Variants in DNAJC3 observed in about 807,000 individuals in gnomAD.
The protein encoded by DNAJC3 is dnaJ homolog subfamily C member 3.
A neutral mutation model predicts 68.6 loss-of-function variants in DNAJC3; 38 were observed. The observed-to-expected ratio is 0.55, with a 90% CI of 0.43 to 0.73. The LOEUF (loss-of-function observed/expected upper bound fraction) is 0.73, where lower values mean the gene tolerates loss of function less well. Among genes scored for constraint, DNAJC3 ranks in the 30% least tolerant of loss-of-function variants. The pLI is 0.00. For missense variants in DNAJC3, 526 were observed against 591.9 expected, an observed-to-expected ratio of 0.89 and a Z score of 1.16; for synonymous variants, 203 against 204.0, an observed-to-expected ratio of 1.00 and a Z score of 0.04.
At chr13:95,778,529 A>G (rs1883349060) in intron 9 of DNAJC3, among the ~76,000 whole-genome samples, 2 of 152,258 alleles carry the variant, frequency 1.3e-5, no homozygotes, top group South Asian at 2.1e-4. Context: ...AGGTTTTCTA[A>G]TATCTACCAT....
chr13:95,747,101 A>G (rs1882327346), intron 4 of DNAJC3, among the ~76,000 whole-genome samples: 1 of 152,236 alleles, frequency 6.6e-6, no homozygotes, highest in African/African-American at 2.4e-5. Context: ...ATTTCATATA[A>G]CTTAGATCAT....
chr13:95,760,010 T>C (rs778950437), intron 5 of DNAJC3, 30 bp from the exon 6 acceptor site: 1 of 1,532,172 alleles, frequency 6.5e-7, no homozygotes, highest in Admixed American at 2.1e-5. Context: ...ATTTATTCTT[T>C]CTTAAAGTCT....
At chr13:95,712,752 G>T (rs934140741) in intron 2 of DNAJC3, among the ~76,000 whole-genome samples, 7 of 151,900 alleles carry the variant, frequency 4.6e-5, no homozygotes, top group African/African-American at 1.7e-4. Context: ...TTTTTGTGTT[G>T]GTGTTGATTC....
intron 4 of DNAJC3, among the ~76,000 whole-genome samples, chr13:95,734,607 G>C (rs1379498969): frequency 2.0e-5 from 3 of 152,040 alleles, no homozygotes; most frequent in Non-Finnish European, 4.4e-5. Context: ...TGTTAAGTAA[G>C]TTTTTTATCA....
chr13:95,711,233 C>G (rs1282567822), intron 2 of DNAJC3, among the ~76,000 whole-genome samples: 3 of 152,028 alleles, frequency 2.0e-5, no homozygotes, highest in African/African-American at 7.2e-5. Context: ...GCATGGTGGC[C>G]CACGCCTGTA....
chr13:95,770,824 T>C (rs1300227745), intron 9 of DNAJC3, among the ~76,000 whole-genome samples: 3 of 152,214 alleles, frequency 2.0e-5, no homozygotes, highest in Non-Finnish European at 4.4e-5. Context: ...TAAGTGTTCT[T>C]AGATATAAGA....
At chr13:95,738,572 A>G (rs1882012576) in intron 4 of DNAJC3, among the ~76,000 whole-genome samples, 1 of 152,066 alleles carries the variant, frequency 6.6e-6, no homozygotes, top group African/African-American at 2.4e-5. Context: ...CTTTACCATT[A>G]TGTCATGGCC....
chr13:95,716,399 T>C (rs987014421), intron 2 of DNAJC3, among the ~76,000 whole-genome samples: 1 of 152,258 alleles, frequency 6.6e-6, no homozygotes, highest in South Asian at 2.1e-4. Context: ...AGTGGGTGTG[T>C]GTTACAGTGT....
intron 4 of DNAJC3, among the ~76,000 whole-genome samples, chr13:95,729,386 C>G (rs1881640930): frequency 6.7e-6 from 1 of 148,570 alleles, no homozygotes; most frequent in South Asian, 2.2e-4. Flanking sequence ...TTCTCCCTCT[C>G]CCTCTCCCTC....
intron 11 of DNAJC3, among the ~76,000 whole-genome samples, chr13:95,788,185 T>C (rs972221966): frequency 6.6e-6 from 1 of 152,238 alleles, no homozygotes; most frequent in African/African-American, 2.4e-5. Flanking sequence ...GAGACAGAAA[T>C]GTACTTCCCT....
chr13:95,789,314 T>C (rs941462978), intron 11 of DNAJC3, among the ~76,000 whole-genome samples: 2 of 152,248 alleles, frequency 1.3e-5, no homozygotes, highest in East Asian at 1.9e-4. Flanking sequence ...CTCCCACCCT[T>C]CACCCTCCAA....
chr13:95,715,733 C>A (rs1281228206), intron 2 of DNAJC3, among the ~76,000 whole-genome samples: 4 of 151,860 alleles, frequency 2.6e-5, no homozygotes, highest in Non-Finnish European at 2.9e-5. Flanking sequence ...TGATCCACCC[C>A]CCCTTGGCCT....
At chr13:95,725,096 T>C in intron 3 of DNAJC3, 82 bp from the exon 4 acceptor site, 1 of 863,692 alleles carries the variant, frequency 1.2e-6, no homozygotes, top group Non-Finnish European at 1.7e-6. Context: ...ATAATTTGTT[T>C]ATTTAGTTTT....
chr13:95,785,935 A>G lies in DNAJC3; in HGVS notation c.1076-4A>G. 1 of 1,577,840 alleles carries G rather than the reference A, an allele frequency of 6.3e-7. No homozygotes were observed. The highest frequency in any genetic ancestry group is 8.6e-7 in the Non-Finnish European group (1 of 1,168,000). ...ACAATATTATCTTAAACATATTTTG[A>G]CAGCTATTCAGGATTATGAAACTGC... On this transcript the variant is annotated splice_region_variant and splice_polypyrimidine_tract_variant and intron_variant, in intron 9 of 11. Transcript: ENST00000602402.
At chr13:95,754,809 A>G (rs1002657850) in intron 4 of DNAJC3, among the ~76,000 whole-genome samples, 9 of 152,164 alleles carry the variant, frequency 5.9e-5, no homozygotes, top group African/African-American at 2.2e-4. Flanking sequence ...ACAACTGCCA[A>G]CCTGGTGTTT....
rs1883834253 is a variant in DNAJC3 at position 95,793,129 on chromosome 13, A to C, written c.*2099A>C. ...ATTCTTATCATGGATTTACTTAGTC[A>C]TCTTAACTGACCTGCAGTTACTTGC... On this transcript the variant is annotated 3_prime_UTR_variant, in exon 12 of 12. Transcript: ENST00000602402. 2 of 152,220 alleles carry C rather than the reference A, an allele frequency of 1.3e-5. No homozygotes were observed. The highest frequency in any genetic ancestry group is 1.3e-4 in the Admixed American group (2 of 15,284). 9.4% of individuals were successfully genotyped at this position (152,220 alleles called of 1,614,324 possible). A position where few individuals can be genotyped will look rare whatever the true frequency, so the allele number is the denominator to read the frequency against.
In DNAJC3 at chr13:95,794,453, G is replaced by C. The variant is rs1246366756; in HGVS notation, c.*3423G>C. On this transcript the variant is annotated 3_prime_UTR_variant, in exon 12 of 12. Coordinates refer to ENST00000602402, the MANE Select transcript of DNAJC3 (RefSeq NM_006260.5). Reference sequence around the variant, plus strand: ...CTAGAGAAGTTCACGCAACTTTGTTGAATGTAGTTGACTTTTCCAAATTTA... The same window carrying C: ...CTAGAGAAGTTCACGCAACTTTGTTCAATGTAGTTGACTTTTCCAAATTTA... The C allele has an allele frequency of 6.6e-6, 1 of 152,254 alleles. No individual in the cohort carries two copies. 9.4% of individuals were successfully genotyped at this position (152,254 alleles called of 1,614,324 possible).
At chr13:95,718,202 G>A (rs1245242513) in intron 2 of DNAJC3, among the ~76,000 whole-genome samples, 6 of 152,160 alleles carry the variant, frequency 3.9e-5, no homozygotes, top group Admixed American at 2.6e-4. Context: ...TATATTGGAT[G>A]GATAATAGGA....
At chr13:95,722,954 T>G (rs1881383611) in intron 2 of DNAJC3, among the ~76,000 whole-genome samples, 1 of 151,958 alleles carries the variant, frequency 6.6e-6, no homozygotes, top group Non-Finnish European at 1.5e-5. Flanking sequence ...TCTTATGTTT[T>G]TCTTTTGTTC....
Sources: gnomAD v4.1 joint callset for allele counts (sites outside exome capture counted in the v4.1 genomes callset) on GRCh38, gnomAD v4.1.1 for gene constraint, MANE v1.5 for transcripts, NCBI Gene and HGNC (gene_info 2026-07-23, HGNC 2026-07-21) for gene names.